The following RYR2 variants were observed in gnomAD, a reference collection of about 807,000 sequenced individuals.
RYR2 encodes ryanodine receptor 2.
RYR2 carries 227 observed loss-of-function variants against 601.1 expected under a neutral mutation model. The observed-to-expected ratio is 0.38, with a 90% CI of 0.34 to 0.42. The LOEUF is 0.42. RYR2 is among the 10% of genes least tolerant of loss of function. RYR2 has a pLI of 1.00. For missense variants in RYR2, 4,646 were observed against 6,156.5 expected, an observed-to-expected ratio of 0.75 and a Z score of 8.21; for synonymous variants, 2,223 against 2,175.1, an observed-to-expected ratio of 1.02 and a Z score of -0.61.
chr1:237,606,505 T>C lies in RYR2; in HGVS notation c.4684-4257T>C, dbSNP rs1326912493. ...GGCAATACCATTCAGGACATAGGCG[T>C]GGGCAAGGACTTCATGTCTAAAACA... is the stretch of plus-strand genomic sequence containing the variant. On this transcript the variant is annotated intron_variant, in intron 35 of 104. Coordinates refer to ENST00000366574, the MANE Select transcript of RYR2 (RefSeq NM_001035.3). Among the ~76,000 whole-genome samples the C allele has an allele frequency of 2.6e-5, 4 of 152,180 alleles. No individual in the cohort carries two copies. In the South Asian group the frequency reaches 8.3e-4, roughly 31 times the overall value.
chr1:237,410,831 G>A (rs1038015358), intron 10 of RYR2, among the ~76,000 whole-genome samples: 3 of 152,142 alleles, frequency 2.0e-5, no homozygotes, highest in Non-Finnish European at 4.4e-5. Flanking sequence ...GACTTCAGAA[G>A]AGGATTTAAA....
At chr1:237,794,164 G>C (rs1658804187) in intron 95 of RYR2, among the ~76,000 whole-genome samples, 167 bp downstream of exon 95, 1 of 152,108 alleles carries the variant, frequency 6.6e-6, no homozygotes, top group Non-Finnish European at 1.5e-5. Flanking sequence ...CTTAATGGTG[G>C]ATGTCCTCAA....
At chr1:237,648,360 G>A (rs1031990461) in intron 48 of RYR2, 84 bp from the exon 49 acceptor site, 2 of 1,177,036 alleles carry the variant, frequency 1.7e-6, no homozygotes, top group Non-Finnish European at 1.1e-6. Flanking sequence ...TGTTTAAAAT[G>A]TAAGAAGTCT....
intron 90 of RYR2, among the ~76,000 whole-genome samples, chr1:237,785,210 A>G (rs914248372): frequency 6.6e-6 from 1 of 152,232 alleles, no homozygotes; most frequent in Non-Finnish European, 1.5e-5. Context: ...TGTAGCCTAC[A>G]TCTTTCTCCA....
chr1:237,366,985 T>G (rs773463584), intron 5 of RYR2, among the ~76,000 whole-genome samples: 12 of 152,214 alleles, frequency 7.9e-5, no homozygotes, highest in Non-Finnish European at 1.6e-4. Context: ...AAAAGTGCTC[T>G]CTAAAGACAG....
chr1:237,273,022 G>A (rs568569520), intron 2 of RYR2, among the ~76,000 whole-genome samples: 3 of 152,162 alleles, frequency 2.0e-5, no homozygotes, highest in Admixed American at 2.0e-4. Context: ...GGGGCTGGAG[G>A]GTGTTTTGGG....
chr1:237,613,829 G>A (rs1294632145), intron 36 of RYR2, among the ~76,000 whole-genome samples: 1 of 152,162 alleles, frequency 6.6e-6, no homozygotes, highest in African/African-American at 2.4e-5. Flanking sequence ...CAACCGGTAA[G>A]TATAATGCAA....
chr1:237,705,423 A>T, intron 67 of RYR2, 80 bp downstream of exon 67: 1 of 1,175,174 alleles, frequency 8.5e-7, no homozygotes, highest in Non-Finnish European at 1.2e-6. Context: ...AGTGATTTTT[A>T]ATGAGCTCTT....
chr1:237,206,108 A>C (rs1681786257), intron 1 of RYR2, among the ~76,000 whole-genome samples: 1 of 152,156 alleles, frequency 6.6e-6, no homozygotes, highest in South Asian at 2.1e-4. Context: ...GCTCACTGGG[A>C]GGCCAAGTTC....
intron 100 of RYR2, among the ~76,000 whole-genome samples, chr1:237,817,745 G>A (rs976672343): frequency 2.6e-5 from 4 of 152,214 alleles, no homozygotes; most frequent in Non-Finnish European, 5.9e-5. Context: ...AGGAAGATTT[G>A]GCAAAGGAGA....
intron 56 of RYR2, among the ~76,000 whole-genome samples, chr1:237,661,809 C>G (rs1683827234): frequency 6.6e-6 from 1 of 152,098 alleles, no homozygotes; most frequent in South Asian, 2.1e-4. Flanking sequence ...AAGGCTCTAC[C>G]CATAGGTCTT....
At chr1:237,189,995 C>A (rs1054915511) in intron 1 of RYR2, among the ~76,000 whole-genome samples, 3 of 151,960 alleles carry the variant, frequency 2.0e-5, no homozygotes, top group Non-Finnish European at 2.9e-5. Flanking sequence ...GCCTCAGCCT[C>A]CCAAGTAGCT....
In RYR2 at chr1:237,700,424, A is replaced by G. The variant is rs1687865785; in HGVS notation, c.9324A>G (p.Leu3108=). The change falls in exon 65 of 105, where the codon TTA becomes TTG. Residue 3108 remains leucine, a synonymous_variant. Transcript: ENST00000366574. ...TVALLPMLSS[L]FEHIGQHQFG... is the part of the protein sequence containing the mutation. ...CCCTGCTGCCAATGCTGTCTTCATT[A>G]TTTGAACATATTGGCCAGCATCAGT... The G allele has an allele frequency of 6.2e-7, 1 of 1,604,156 alleles. No homozygotes were observed. Among genetic ancestry groups the G allele is most frequent in the Non-Finnish European group, 8.5e-7 (1 of 1,172,804 alleles).
chr1:237,609,944 CG>C (rs202237136), intron 35 of RYR2, among the ~76,000 whole-genome samples: 7 of 151,902 alleles, frequency 4.6e-5, no homozygotes, highest in South Asian at 4.2e-4. Flanking sequence ...GGTTTTTCCC[CG>C]CCTATTGTTA....
intron 58 of RYR2, among the ~76,000 whole-genome samples, chr1:237,669,973 C>G (rs1445828003): frequency 1.3e-5 from 2 of 152,090 alleles, no homozygotes; most frequent in East Asian, 3.9e-4. Flanking sequence ...GCCGAGATCA[C>G]GCCACTGCAC....
At chr1:237,471,659 C>T (rs554473065) in intron 17 of RYR2, among the ~76,000 whole-genome samples, 26 of 151,364 alleles carry the variant, frequency 1.7e-4, no homozygotes, top group South Asian at 4.1e-4. Context: ...TGAACAGAGC[C>T]AAGCATCCTT....
At chr1:237,741,019 T>C (rs970156079) in intron 79 of RYR2, among the ~76,000 whole-genome samples, 2 of 152,210 alleles carry the variant, frequency 1.3e-5, no homozygotes, top group Non-Finnish European at 2.9e-5. Flanking sequence ...AAGGAGAACA[T>C]TTCCTGCTTT....
chr1:237,229,062 T>G (rs1382144657), intron 1 of RYR2, among the ~76,000 whole-genome samples: 2 of 152,158 alleles, frequency 1.3e-5, no homozygotes, highest in Non-Finnish European at 1.5e-5. Flanking sequence ...TGGAGCTCCT[T>G]TCCCGTGGTC....
rs1034915629 is a variant in RYR2, at chr1:237,302,833, C to T, written c.169-28045C>T. On this transcript the variant is annotated intron_variant, in intron 2 of 104. Coordinates refer to ENST00000366574, the MANE Select transcript of RYR2 (RefSeq NM_001035.3). ...ATCTCTGGACACTGTTCAACATTGC[C>T]TTAGAATAAATTCCTAAAAATGGAA... Among the ~76,000 whole-genome samples the T allele has an allele frequency of 3.9e-4, 59 of 152,148 alleles. 2 individuals are homozygous for T. The highest frequency in any genetic ancestry group is 6.8e-3 in the Middle Eastern group (2 of 294).
Sources: allele counts gnomAD v4.1 joint callset (sites outside exome capture counted in the v4.1 genomes callset), GRCh38; gene constraint gnomAD v4.1.1; transcripts MANE v1.5; gene names NCBI Gene and HGNC (gene_info 2026-07-23, HGNC 2026-07-21).